Variants in NR3C1 observed in about 807,000 individuals in gnomAD.
NR3C1 encodes nuclear receptor subfamily 3 group C member 1.
In NR3C1, 14 loss-of-function variants were observed where a neutral mutation model predicts 74.0. The ratio of observed to expected loss-of-function variants is 0.19; its 90% CI spans 0.12 to 0.30. The LOEUF (loss-of-function observed/expected upper bound fraction) is 0.30. NR3C1 is among the 10% of genes least tolerant of loss of function. NR3C1 has a pLI of 1.00. For missense variants in NR3C1, 695 were observed against 909.8 expected (o/e 0.76, Z 3.04); for synonymous variants, 308 against 332.5 (o/e 0.93, Z 0.80).
chr5:143,391,294 T>C lies in NR3C1; in HGVS notation c.1184+8362A>G, dbSNP rs574370970. On this transcript the variant is annotated intron_variant, in intron 2 of 8. Coordinates refer to ENST00000394464, the MANE Select transcript of NR3C1 (RefSeq NM_000176.3). ...CAAATTTGTTTAACTGAAGTTTTTTTCAACCATTTGATCAATAAAGAAAAC... is the reference window on the plus strand; with the variant it reads ...CAAATTTGTTTAACTGAAGTTTTTTCCAACCATTTGATCAATAAAGAAAAC... 1.1e-4 allele frequency among the ~76,000 whole-genome samples: 17 copies of C among 152,334 alleles called. No homozygotes were observed. In the East Asian group the frequency reaches 3.3e-3, roughly 29 times the overall value.
Position 143,399,941 on chromosome 5 carries a change from A to G in NR3C1, c.899T>C (p.Val300Ala), listed in dbSNP as rs1839945081. 6.2e-7 allele frequency: 1 copy of G among 1,614,122 alleles called. No homozygotes were observed. Among genetic ancestry groups the G allele is most frequent in the South Asian group, 1.1e-5 (1 of 91,078 alleles). Residue 300 changes from valine to alanine, a missense_variant, in exon 2 of 9, where the codon GTT becomes GCT. By Grantham distance (64) the Val-to-Ala change is moderately conservative (BLOSUM62 0). This residue lies in a region of NR3C1 where 497 missense variants were observed against 489.5 expected (regional missense o/e 1.02). Transcript: ENST00000394464. ...TCCAGGAAAGCTTGCCTGACAGTAAACTGTGCCCAGTTTCTCTTGCTTAAT... is the reference window on the plus strand; with the variant it reads ...TCCAGGAAAGCTTGCCTGACAGTAAGCTGTGCCCAGTTTCTCTTGCTTAAT... ...GVIKQEKLGT[V>A]YCQASFPGAN...
upstream of NR3C1, among the ~76,000 whole-genome samples, chr5:143,408,377 A>G (rs1841185192): frequency 6.6e-6 from 1 of 152,244 alleles, no homozygotes. Flanking sequence ...TTCCTGGGTC[A>G]TAGGAAGTAT....
intron 2 of NR3C1, among the ~76,000 whole-genome samples, chr5:143,369,142 G>A (rs1261139964): frequency 1.3e-5 from 2 of 152,180 alleles, no homozygotes; most frequent in Non-Finnish European, 2.9e-5. Flanking sequence ...CATGAGTTTT[G>A]GAGGGGACAA....
At chr5:143,290,380 A>C (rs1815591992) in intron 7 of NR3C1, among the ~76,000 whole-genome samples, 1 of 152,244 alleles carries the variant, frequency 6.6e-6, no homozygotes, top group Non-Finnish European at 1.5e-5. Flanking sequence ...AGACTGTGCA[A>C]AGCTAACAAC....
Position 143,298,832 on chromosome 5 carries a change from G to A in NR3C1, c.1748-20C>T. The stretch of plus-strand genomic sequence containing the variant: ...TGAAACCTGAATTAAGAGAAATAAA[G>A]GTATGAGGCAACACTCTTCAGAAGA... On this transcript the variant is annotated intron_variant, in intron 5 of 8. Transcript: ENST00000394464. The A allele has an allele frequency of 6.2e-7, 1 of 1,609,684 alleles. No individual in the cohort carries two copies. Among genetic ancestry groups the A allele is most frequent in the Middle Eastern group, 1.7e-4 (1 of 6,046 alleles).
intron 7 of NR3C1, among the ~76,000 whole-genome samples, chr5:143,289,115 G>T (rs181555010): frequency 3.5e-5 from 5 of 144,708 alleles, no homozygotes; most frequent in Admixed American, 2.1e-4. Context: ...AAGGAAACTA[G>T]AATATCCAAA....
At position 143,295,419 on chromosome 5, in the gene NR3C1, T is replaced by G. The variant is rs1280899900; in HGVS notation, c.2023+41A>C. On this transcript the variant is annotated intron_variant, in intron 7 of 8. Transcript: ENST00000394464. ...TAACCTTTGTTTCTAGGCCTTCATA[T>G]TTCATGCTTTTGACATAAGGTGAAA... 2.5e-6 allele frequency: 4 copies of G among 1,607,874 alleles called. No homozygotes were observed. The East Asian group carries it at 9.0e-5, about 36-fold the overall frequency.
At chr5:143,404,061 CCGCCCA>C (rs1840863205), upstream of NR3C1, 1 of 985,614 alleles carries the variant, frequency 1.0e-6, no homozygotes, top group Non-Finnish European at 1.2e-6. Flanking sequence ...CTTCCCGCCC[CCGCCCA>C]GCTCCGCGGC....
chr5:143,388,673 C>T (rs1349628415), intron 2 of NR3C1, among the ~76,000 whole-genome samples: 1 of 152,132 alleles, frequency 6.6e-6, no homozygotes, highest in Non-Finnish European at 1.5e-5. Context: ...AGAGAGTAAA[C>T]CATGTGGGTA....
At chr5:143,381,207 A>C (rs1836168198) in intron 2 of NR3C1, among the ~76,000 whole-genome samples, 1 of 152,150 alleles carries the variant, frequency 6.6e-6, no homozygotes, top group Non-Finnish European at 1.5e-5. Context: ...CAGATAAAAT[A>C]AAACACCTAG....
At chr5:143,423,833 T>C (rs1344038388) in intron 1 of NR3C1, among the ~76,000 whole-genome samples, 1 of 152,020 alleles carries the variant, frequency 6.6e-6, no homozygotes, top group Admixed American at 6.6e-5. Flanking sequence ...GAGGACATTA[T>C]GCAAGAGAAA....
chr5:143,395,862 T>G (rs960365498), intron 2 of NR3C1, among the ~76,000 whole-genome samples: 1 of 151,854 alleles, frequency 6.6e-6, no homozygotes, highest in African/African-American at 2.4e-5. Context: ...ACCCTTTTGA[T>G]CCAATCTTTC....
At chr5:143,286,273 C>T (rs1257059106) in intron 7 of NR3C1, among the ~76,000 whole-genome samples, 5 of 152,040 alleles carry the variant, frequency 3.3e-5, no homozygotes, top group Admixed American at 6.6e-5. Context: ...TTTTACCAAA[C>T]GTTTAAGAAA....
chr5:143,430,664 G>T (rs1751772791), intron 1 of NR3C1, among the ~76,000 whole-genome samples: 1 of 152,122 alleles, frequency 6.6e-6, no homozygotes, highest in Non-Finnish European at 1.5e-5. Context: ...AAGACAGCGG[G>T]CTATGAACTA....
chr5:143,424,958 CA>C, intron 1 of NR3C1, among the ~76,000 whole-genome samples: 1 of 152,168 alleles, frequency 6.6e-6, no homozygotes, highest in East Asian at 1.9e-4. Flanking sequence ...TAAAAAAAGG[CA>C]AAGTTCGAGG....
chr5:143,279,098 T>C lies in NR3C1; in HGVS notation c.*2791A>G. On this transcript the variant is annotated 3_prime_UTR_variant, in exon 9 of 9. Transcript: ENST00000394464. Reference sequence around the variant, plus strand: ...CAAACTTCAACAGTTTGGGTTGGGATGGCCAGATAACACATACATAGGAAA... The same window carrying C: ...CAAACTTCAACAGTTTGGGTTGGGACGGCCAGATAACACATACATAGGAAA... 1 of 437,554 alleles carries C rather than the reference T, an allele frequency of 2.3e-6. No homozygotes were observed. Among genetic ancestry groups the C allele is most frequent in the Non-Finnish European group, 4.0e-6 (1 of 249,832 alleles). 27.1% of individuals were successfully genotyped at this position (437,554 alleles called of 1,614,324 possible).
intron 7 of NR3C1, chr5:143,294,888 A>G (rs1351288318): frequency 1.0e-6 from 1 of 975,844 alleles, no homozygotes; most frequent in East Asian, 1.1e-4. Flanking sequence ...TCACCTACTG[A>G]AGGACATCTT....
Position 143,362,360 on chromosome 5 carries a change from GT to G in NR3C1, c.1184+37295del, listed in dbSNP as rs1234339107. On this transcript the variant is annotated intron_variant, in intron 2 of 8. Coordinates refer to ENST00000394464, the MANE Select transcript of NR3C1 (RefSeq NM_000176.3). ...GAATGGACCTCTTTCATGAAGACTT[GT>G]TTTTTTTTTTTTTTGTTGAGACGGA... Among the ~76,000 whole-genome samples the G allele has an allele frequency of 5.6e-3, 772 of 138,710 alleles. 2 individuals carry two copies. Among genetic ancestry groups the G allele is most frequent in the African/African-American group, 0.016 (611 of 38,162 alleles). The allele number at this position is 138,710 out of a possible 152,430, so 91.0% of individuals were successfully genotyped here.
rs1244152101 is a variant in NR3C1, at chr5:143,431,019, A to C, written c.-14+3513T>G. ...TATCTTGAATTCAGTCATCTATATA[A>C]ATGTTGTTTATGTAGAGATGTGGGA... is the stretch of plus-strand genomic sequence containing the variant. On this transcript the variant is annotated intron_variant, in intron 1 of 8. Transcript: ENST00000343796. 2.6e-5 allele frequency among the ~76,000 whole-genome samples: 4 copies of C among 152,060 alleles called. No individual in the cohort carries two copies. The South Asian group carries it at 6.2e-4, about 24-fold the overall frequency.
Sources: gnomAD v4.1 joint callset for allele counts (sites outside exome capture counted in the v4.1 genomes callset) on GRCh38, gnomAD v4.1.1 for gene constraint, gnomAD v4.1.1 regional missense constraint, MANE v1.5 for transcripts, NCBI Gene and HGNC (gene_info 2026-07-23, HGNC 2026-07-21) for gene names.